The following PCDHGA3 variants were observed in gnomAD, a reference collection of about 807,000 sequenced individuals.
PCDHGA3 encodes the protein protocadherin gamma-A3.
PCDHGA3 carries 40 observed loss-of-function variants against 58.5 expected under a neutral mutation model. That is an observed-to-expected ratio of 0.68 (90% CI 0.53 to 0.89). The LOEUF is 0.89. PCDHGA3 is among the 40% of genes least tolerant of loss of function. The pLI is 0.00. For synonymous variants in PCDHGA3, 530 were observed against 525.7 expected, an observed-to-expected ratio of 1.01 and a Z score of -0.11; for missense variants, 1,223 against 1,195.9, an observed-to-expected ratio of 1.02 and a Z score of -0.33.
intron 1 of PCDHGA3, chr5:141,372,263 G>T (rs373583904): frequency 2.5e-6 from 4 of 1,613,110 alleles, no homozygotes; most frequent in African/African-American, 1.3e-5. Flanking sequence ...GCCTGCGCAC[G>T]GGTGAGGTGC....
rs367731612 is a variant in PCDHGA3, at chr5:141,419,406, C to T, written c.2424+72949C>T. The T allele has an allele frequency of 6.5e-5, 105 of 1,613,522 alleles. 1 individual carries two copies. The South Asian group carries it at 1.0e-3, about 16-fold the overall frequency. Reference sequence around the variant, plus strand: ...AGCGCGCAGAGCGGGGTGGTGTTCGCGCAGCGCGCCTTCGACCACGAGCAG... The same window carrying T: ...AGCGCGCAGAGCGGGGTGGTGTTCGTGCAGCGCGCCTTCGACCACGAGCAG... On this transcript the variant is annotated intron_variant, in intron 1 of 3. Transcript: ENST00000253812.
At chr5:141,424,959 C>A (rs1561817087) in intron 1 of PCDHGA3, among the ~76,000 whole-genome samples, 4 of 152,152 alleles carry the variant, frequency 2.6e-5, no homozygotes, top group Non-Finnish European at 5.9e-5. Flanking sequence ...TAGGTATTTG[C>A]CCCAAATTAC....
chr5:141,445,446 G>T (rs2098467238), intron 1 of PCDHGA3, among the ~76,000 whole-genome samples: 1 of 152,264 alleles, frequency 6.6e-6, no homozygotes, highest in Admixed American at 6.5e-5. Flanking sequence ...ATGGACTAAG[G>T]ATGCAGCAAT....
chr5:141,410,660 T>C (rs911543817), intron 1 of PCDHGA3: 12 of 1,572,396 alleles, frequency 7.6e-6, no homozygotes, highest in African/African-American at 2.7e-5. Context: ...TCTAATAGTC[T>C]ACTAGTTTCT....
intron 1 of PCDHGA3, chr5:141,375,956 G>T: frequency 1.2e-6 from 2 of 1,613,506 alleles, no homozygotes; most frequent in Non-Finnish European, 1.7e-6. Flanking sequence ...GCACACGGGC[G>T]AGGTGCGCAC....
chr5:141,415,404 C>T, intron 1 of PCDHGA3: 1 of 1,614,238 alleles, frequency 6.2e-7, no homozygotes, highest in Non-Finnish European at 8.5e-7. Context: ...CCGGCTCGCA[C>T]TTTGTGGGCG....
intron 1 of PCDHGA3, among the ~76,000 whole-genome samples, chr5:141,453,670 G>A (rs191035462): frequency 2.5e-4 from 38 of 152,224 alleles, no homozygotes; most frequent in Middle Eastern, 6.8e-3. Context: ...TACACAAAAG[G>A]TAACACACTA....
chr5:141,476,551 C>G lies in PCDHGA3; in HGVS notation c.2425-18256C>G, dbSNP rs367700651. ...CCCAGGAAATGAAATTGGAGATTAG[C>G]GAGGCCGTGGCTCCGGGGACGCGCT... On this transcript the variant is annotated intron_variant, in intron 1 of 3. Transcript: ENST00000253812. The surrounding 1 kb of genome is among the most constrained non-coding windows in gnomAD (Gnocchi z 7.6). 128 of 1,614,078 alleles carry G rather than the reference C, an allele frequency of 7.9e-5. No homozygotes were observed. Among genetic ancestry groups the G allele is most frequent in the Non-Finnish European group, 1.0e-4 (122 of 1,180,034 alleles).
intron 1 of PCDHGA3, chr5:141,377,130 G>A (rs1432999287): frequency 6.6e-6 from 1 of 152,218 alleles, no homozygotes; most frequent in Non-Finnish European, 1.5e-5. Flanking sequence ...TTAATTTTGT[G>A]GGGGAAAATA....
At chr5:141,433,066 C>A in intron 1 of PCDHGA3, 2 of 1,614,210 alleles carry the variant, frequency 1.2e-6, no homozygotes, top group Non-Finnish European at 1.7e-6. Context: ...GTCACCTGAT[C>A]TTCCCCCAGC....
chr5:141,389,924 T>A (rs749120978), intron 1 of PCDHGA3: 13 of 1,614,062 alleles, frequency 8.1e-6, no homozygotes, highest in Non-Finnish European at 1.0e-5. Flanking sequence ...CCGACCCCTC[T>A]GACCTCCAGG....
intron 1 of PCDHGA3, among the ~76,000 whole-genome samples, chr5:141,380,353 G>T (rs954913370): frequency 6.6e-6 from 1 of 151,944 alleles, no homozygotes; most frequent in Non-Finnish European, 1.5e-5. Flanking sequence ...TTTGTTGTTT[G>T]TTTTTTAGAA....
Position 141,345,480 on chromosome 5 carries a change from A to G in PCDHGA3, c.1447A>G (p.Asn483Asp). ...SVTAQDPDSN[N>D]NARITYALTE... ...GACAGCCCAGGACCCAGATAGCAACAACAACGCCCGCATCACTTATGCATT... is the reference window on the plus strand; with the variant it reads ...GACAGCCCAGGACCCAGATAGCAACGACAACGCCCGCATCACTTATGCATT... Residue 483 changes from asparagine (N) to aspartate (D), a missense_variant, in exon 1 of 4, where the codon AAC becomes GAC. This residue lies in a region of PCDHGA3 where 791 missense variants were observed against 708.5 expected (regional missense o/e 1.12). Transcript: ENST00000253812. The G allele has an allele frequency of 1.2e-6, 2 of 1,614,044 alleles. No individual in the cohort carries two copies. The highest frequency in any genetic ancestry group is 8.5e-7 in the Non-Finnish European group (1 of 1,179,980).
At chr5:141,500,184 TTTTATTTATTTA>T (rs58019021) in intron 2 of PCDHGA3, among the ~76,000 whole-genome samples, 197 of 135,960 alleles carry the variant, frequency 1.4e-3, no homozygotes, top group African/African-American at 3.6e-3. Context: ...TCATTTTTAT[TTTTATTTATTTA>T]TTTATTTATT....
At position 141,348,806 on chromosome 5, in the gene PCDHGA3, A is replaced by G. The variant is rs901855312; in HGVS notation, c.2424+2349A>G. On this transcript the variant is annotated intron_variant, in intron 1 of 3. Transcript: ENST00000253812. The stretch of plus-strand genomic sequence containing the variant: ...GTGAAAAGGTATCTTAAGAAAACAG[A>G]TAATAGGCTGTTTCGAATAGAGTAT... Among the ~76,000 whole-genome samples the G allele has an allele frequency of 4.6e-5, 7 of 152,224 alleles. 1 individual carries two copies. The highest frequency in any genetic ancestry group is 3.3e-4 in the Admixed American group (5 of 15,286).
At chr5:141,510,816 A>G (rs1478938067) in intron 3 of PCDHGA3, 131 bp from the exon 4 acceptor site, 2 of 1,547,282 alleles carry the variant, frequency 1.3e-6, no homozygotes, top group Non-Finnish European at 1.8e-6. Context: ...GGTGACCCCT[A>G]TATTCCCAGT....
At chr5:141,394,945 T>A in intron 1 of PCDHGA3, 1 of 1,613,892 alleles carries the variant, frequency 6.2e-7, no homozygotes, top group African/African-American at 1.3e-5. Context: ...GTCGCTGTGC[T>A]TCTGGGGCTC....
intron 1 of PCDHGA3, chr5:141,350,574 C>A: frequency 6.2e-7 from 1 of 1,614,004 alleles, no homozygotes; most frequent in East Asian, 2.2e-5. Flanking sequence ...GAATTCGAAA[C>A]GGTCGCTGAA....
At chr5:141,430,384 A>G (rs547268242) in intron 1 of PCDHGA3, among the ~76,000 whole-genome samples, 32 of 122,116 alleles carry the variant, frequency 2.6e-4, no homozygotes, top group East Asian at 6.6e-4. Context: ...GCTCATTGGG[A>G]AAAAAAAAAA....
Sources: allele counts gnomAD v4.1 joint callset (sites outside exome capture counted in the v4.1 genomes callset), GRCh38; gene constraint gnomAD v4.1.1; regional missense constraint gnomAD v4.1.1; non-coding constraint Gnocchi (gnomAD v3.1); transcripts MANE v1.5; gene names NCBI Gene and HGNC (gene_info 2026-07-23, HGNC 2026-07-21).